Variants in COPZ1 observed in about 807,000 individuals in gnomAD.
COPZ1 encodes coatomer subunit zeta-1.
In COPZ1, 4 loss-of-function variants were observed where a neutral mutation model predicts 31.7. The observed-to-expected ratio is 0.13, with a 90% confidence interval of 0.06 to 0.29. The LOEUF is 0.29. COPZ1 is among the 10% of genes least tolerant of loss of function. COPZ1 has a pLI of 1.00. For synonymous variants in COPZ1, 74 were observed against 79.0 expected (o/e 0.94, Z 0.33); for missense variants, 156 against 211.5 (o/e 0.74, Z 1.63).
intron 1 of COPZ1, among the ~76,000 whole-genome samples, chr12:54,326,906 G>C (rs1953658410): frequency 1.5e-5 from 2 of 136,424 alleles, no homozygotes; most frequent in Admixed American, 1.5e-4. Flanking sequence ...TAGGTAAAAA[G>C]CTTAAAATCT....
intron 1 of COPZ1, among the ~76,000 whole-genome samples, chr12:54,337,705 T>C (rs1402755304): frequency 6.6e-6 from 1 of 152,214 alleles, no homozygotes; most frequent in East Asian, 1.9e-4. Flanking sequence ...TTTAAGCGCC[T>C]GCCTAAATTC....
intron 3 of COPZ1, among the ~76,000 whole-genome samples, chr12:54,342,856 T>C (rs893165372): frequency 1.7e-4 from 24 of 139,718 alleles, no homozygotes; most frequent in Non-Finnish European, 3.2e-4. Context: ...ACGCCTTCTT[T>C]TTTTTTTTTT....
intron 3 of COPZ1, among the ~76,000 whole-genome samples, chr12:54,342,906 G>T (rs566337608): frequency 3.4e-5 from 5 of 147,484 alleles, no homozygotes; most frequent in African/African-American, 1.3e-4. Flanking sequence ...ACCCAGGCTG[G>T]AGTACAGTGG....
At chr12:54,346,643 G>A (rs1295266173) in intron 5 of COPZ1, 1 of 701,818 alleles carries the variant, frequency 1.4e-6, no homozygotes, top group African/African-American at 1.7e-5. Context: ...AGGACTGCAT[G>A]AGTCGAGTTC....
At chr12:54,348,985 C>T (rs1954105701) in intron 7 of COPZ1, among the ~76,000 whole-genome samples, 1 of 151,812 alleles carries the variant, frequency 6.6e-6, no homozygotes, top group Non-Finnish European at 1.5e-5. Context: ...TCCCCATTCA[C>T]AGAATGTCCT....
At chr12:54,334,939 C>T (rs890619900) in intron 1 of COPZ1, among the ~76,000 whole-genome samples, 5 of 151,708 alleles carry the variant, frequency 3.3e-5, no homozygotes, top group African/African-American at 4.8e-5. Flanking sequence ...GTTGGGAGGC[C>T]GAGACAGGCA....
At chr12:54,332,334 A>T (rs1428145689) in intron 1 of COPZ1, among the ~76,000 whole-genome samples, 1 of 151,908 alleles carries the variant, frequency 6.6e-6, no homozygotes, top group Non-Finnish European at 1.5e-5. Context: ...TTTCCAACAG[A>T]CAGGCTTTCT....
intron 5 of COPZ1, among the ~76,000 whole-genome samples, chr12:54,346,329 G>A (rs1444141428): frequency 2.7e-5 from 4 of 149,672 alleles, no homozygotes; most frequent in Admixed American, 6.7e-5. Context: ...GTGCAGTGGC[G>A]TGATCTCGGC....
At chr12:54,339,981 G>A (rs1393522165) in intron 1 of COPZ1, among the ~76,000 whole-genome samples, 1 of 28,008 alleles carries the variant, frequency 3.6e-5, no homozygotes, top group Non-Finnish European at 5.2e-5. Context: ...GTGCCTGTGC[G>A]TGTGTGTGTG....
chr12:54,349,306 A>G (rs1252031638), intron 7 of COPZ1, among the ~76,000 whole-genome samples: 1 of 152,118 alleles, frequency 6.6e-6, no homozygotes, highest in Non-Finnish European at 1.5e-5. Context: ...TGACTAGGGA[A>G]TCAGGTCCTC....
Position 54,349,874 on chromosome 12 carries a change from A to G in COPZ1, c.486+216A>G. The G allele has an allele frequency of 4.7e-6, 3 of 633,006 alleles. No individual in the cohort carries two copies. In the South Asian group the frequency reaches 5.3e-5, roughly 11 times the overall value. 39.2% of individuals were successfully genotyped at this position (633,006 alleles called of 1,614,324 possible). A position where few individuals can be genotyped will look rare whatever the true frequency, so the allele number is the denominator to read the frequency against. ...CAGTTACCTGTGAGCAGTGGCTGTC[A>G]GCCTTGCTCTGTACCCTTCAAACCC... On this transcript the variant is annotated intron_variant, in intron 8 of 8. Coordinates refer to ENST00000262061, the MANE Select transcript of COPZ1 (RefSeq NM_016057.3).
At chr12:54,334,801 G>A (rs1953827504) in intron 1 of COPZ1, among the ~76,000 whole-genome samples, 1 of 152,060 alleles carries the variant, frequency 6.6e-6, no homozygotes. Flanking sequence ...AGCTTGCAGC[G>A]AGCCGAGATC....
At chr12:54,330,264 A>C (rs1953726239) in intron 1 of COPZ1, among the ~76,000 whole-genome samples, 1 of 152,120 alleles carries the variant, frequency 6.6e-6, no homozygotes, top group African/African-American at 2.4e-5. Flanking sequence ...TAATTGATTG[A>C]AGTTTAATTT....
chr12:54,343,130 T>G, intron 3 of COPZ1, 95 bp from the exon 4 acceptor site: 1 of 953,558 alleles, frequency 1.0e-6, no homozygotes, highest in Non-Finnish European at 1.7e-6. Flanking sequence ...GTGCTGGGAT[T>G]ACAGGCATGA....
At chr12:54,328,225 G>A (rs199867311) in intron 1 of COPZ1, among the ~76,000 whole-genome samples, 2 of 148,272 alleles carry the variant, frequency 1.3e-5, no homozygotes, top group African/African-American at 2.5e-5. Flanking sequence ...GCAGTGAGCC[G>A]AGATCGCGCC....
chr12:54,344,099 G>A (rs1954019283), intron 4 of COPZ1, among the ~76,000 whole-genome samples: 1 of 152,200 alleles, frequency 6.6e-6, no homozygotes, highest in Non-Finnish European at 1.5e-5. Flanking sequence ...GTAGAAAATG[G>A]CTCAGCTTGG....
intron 4 of COPZ1, among the ~76,000 whole-genome samples, chr12:54,344,268 T>C (rs1488330569): frequency 6.6e-6 from 1 of 151,614 alleles, no homozygotes; most frequent in Admixed American, 6.6e-5. Context: ...CTGGCCAACA[T>C]GGCGAAATCC....
chr12:54,348,574 T>TA (rs1179547729), intron 7 of COPZ1, among the ~76,000 whole-genome samples: 1 of 151,958 alleles, frequency 6.6e-6, no homozygotes, highest in Non-Finnish European at 1.5e-5. Flanking sequence ...CTGTCTCTAC[T>TA]AAAGACACAA....
intron 1 of COPZ1, among the ~76,000 whole-genome samples, chr12:54,335,583 A>C (rs978831967): frequency 7.2e-5 from 10 of 138,844 alleles, no homozygotes; most frequent in African/African-American, 2.7e-4. Flanking sequence ...TAAGTTTTGT[A>C]ATTTTGGTAG....
Sources: gnomAD v4.1 joint callset for allele counts (sites outside exome capture counted in the v4.1 genomes callset) on GRCh38, gnomAD v4.1.1 for gene constraint, MANE v1.5 for transcripts, NCBI Gene and HGNC (gene_info 2026-07-23, HGNC 2026-07-21) for gene names.